CWH43: variants seen among roughly 807,000 people sequenced by gnomAD.
CWH43 encodes cell wall biogenesis 43 C-terminal homolog.
In CWH43, 91 loss-of-function variants were observed where a neutral mutation model predicts 85.7. The ratio of observed to expected loss-of-function variants is 1.06; its 90% CI spans 0.90 to 1.26. The LOEUF is 1.26. CWH43 is among the 50% of genes most tolerant of loss of function. CWH43 has a pLI of 0.00. For missense variants in CWH43, 869 were observed against 839.2 expected (o/e 1.04, Z -0.44); for synonymous variants, 323 against 293.6 (o/e 1.10, Z -1.02).
intron 8 of CWH43, among the ~76,000 whole-genome samples, chr4:49,010,962 G>C (rs1471505878): frequency 6.6e-6 from 1 of 152,144 alleles, no homozygotes; most frequent in Non-Finnish European, 1.5e-5. Flanking sequence ...GTTGATTTGG[G>C]GTGGAGAGTT....
intron 2 of CWH43, among the ~76,000 whole-genome samples, chr4:48,990,802 A>G (rs967942771): frequency 6.6e-6 from 1 of 152,212 alleles, no homozygotes; most frequent in Non-Finnish European, 1.5e-5. Flanking sequence ...AAATGGAAAC[A>G]TCTGTTCACA....
At chr4:49,026,167 C>T (rs1207514969) in intron 9 of CWH43, among the ~76,000 whole-genome samples, 1 of 152,210 alleles carries the variant, frequency 6.6e-6, no homozygotes, top group East Asian at 1.9e-4. Flanking sequence ...AGCTCTCATG[C>T]AACCCACAGC....
At chr4:49,015,213 T>C (rs922495833) in intron 8 of CWH43, among the ~76,000 whole-genome samples, 1 of 152,120 alleles carries the variant, frequency 6.6e-6, no homozygotes, top group Non-Finnish European at 1.5e-5. Flanking sequence ...CCACTTTTTC[T>C]AGGTATGTTT....
chr4:49,022,151 C>A (rs1459846080), intron 9 of CWH43, among the ~76,000 whole-genome samples: 1 of 152,130 alleles, frequency 6.6e-6, no homozygotes, highest in African/African-American at 2.4e-5. Context: ...ATGCCTTCAA[C>A]TTTTCCCTAT....
intron 13 of CWH43, among the ~76,000 whole-genome samples, chr4:49,039,306 G>GATATATGTATATATATATATATATAT (rs1784363753): frequency 4.4e-4 from 2 of 4,592 alleles, no homozygotes; most frequent in Non-Finnish European, 1.2e-3. Flanking sequence ...TCAGGAGACT[G>GATATATGTATATATATATATATATAT]ATATATATAT....
intron 9 of CWH43, among the ~76,000 whole-genome samples, chr4:49,020,629 T>G (rs1164089761): frequency 1.3e-5 from 2 of 152,210 alleles, no homozygotes; most frequent in East Asian, 3.9e-4. Context: ...TTAAGGAATC[T>G]CCACACTGTT....
chr4:49,033,241 A>T (rs921589746), intron 12 of CWH43, among the ~76,000 whole-genome samples: 2 of 152,256 alleles, frequency 1.3e-5, no homozygotes, highest in Non-Finnish European at 2.9e-5. Context: ...GTTAAATGAC[A>T]TCTCTTCTCT....
chr4:49,030,684 C>T, intron 10 of CWH43, 141 bp from the exon 11 acceptor site: 1 of 655,848 alleles, frequency 1.5e-6, no homozygotes, highest in East Asian at 3.3e-5. Context: ...CCACTTCTCT[C>T]TAGTGACTCA....
At chr4:49,023,975 T>C (rs1783826964) in intron 9 of CWH43, among the ~76,000 whole-genome samples, 1 of 152,222 alleles carries the variant, frequency 6.6e-6, no homozygotes, top group African/African-American at 2.4e-5. Flanking sequence ...TGCTGCTATC[T>C]ATCTCATTTC....
chr4:49,043,230 C>T (rs1784522423), intron 13 of CWH43, among the ~76,000 whole-genome samples: 1 of 152,164 alleles, frequency 6.6e-6, no homozygotes, highest in Non-Finnish European at 1.5e-5. Context: ...CTCAGACTTA[C>T]ATGACATATA....
chr4:49,020,416 CAT>C (rs1553915061), intron 9 of CWH43, among the ~76,000 whole-genome samples: 25 of 128,394 alleles, frequency 1.9e-4, no homozygotes, highest in African/African-American at 5.3e-4. Flanking sequence ...CACACACACA[CAT>C]ATATATATAT....
At position 48,992,088 on chromosome 4, in the gene CWH43, C is replaced by G; in HGVS notation, c.509C>G (p.Thr170Arg). 1 of 1,610,020 alleles carries G rather than the reference C, an allele frequency of 6.2e-7. No individual in the cohort carries two copies. The highest frequency in any genetic ancestry group is 1.1e-5 in the South Asian group (1 of 90,664). Residue 170 changes from threonine (T) to arginine (R), a missense_variant and splice_region_variant, in exon 4 of 16, where the codon ACA becomes AGA. Physicochemically the swap from Thr to Arg is moderately conservative, Grantham distance 71 (BLOSUM62 -1). Coordinates refer to ENST00000226432, the MANE Select transcript of CWH43 (RefSeq NM_025087.3). The surrounding 1 kb of genome is among the most constrained non-coding windows in gnomAD (Gnocchi z 4.3). Reference protein sequence around the residue: ...SAIATLDRIGTDGDCSKPEEK... With the variant: ...SAIATLDRIGRDGDCSKPEEK... Reference sequence around the variant, plus strand: ...ATAGCCACACTTGATCGTATTGGCACAGGTAATACTGTAACTTAGGAATTT... The same window carrying G: ...ATAGCCACACTTGATCGTATTGGCAGAGGTAATACTGTAACTTAGGAATTT...
chr4:49,039,063 A>AT (rs961997000), intron 13 of CWH43, among the ~76,000 whole-genome samples: 15 of 126,680 alleles, frequency 1.2e-4, no homozygotes, highest in Admixed American at 4.0e-4. Context: ...GTCTCAAAAA[A>AT]ATATATAAAT....
At chr4:49,001,805 T>C (rs1288851745) in intron 6 of CWH43, among the ~76,000 whole-genome samples, 4 of 152,174 alleles carry the variant, frequency 2.6e-5, no homozygotes, top group Admixed American at 1.3e-4. Context: ...AACAATATTA[T>C]TCTAACGTCT....
Position 49,007,345 on chromosome 4 carries a change from T to A in CWH43, c.1186+19T>A, listed in dbSNP as rs1169785618. The A allele has an allele frequency of 4.6e-6, 7 of 1,531,118 alleles. No individual in the cohort carries two copies. In the Admixed American group the frequency reaches 8.4e-5, roughly 18 times the overall value. The allele number at this position is 1,531,118 out of a possible 1,614,324, so 94.8% of individuals were successfully genotyped here. ...AAACTTTGTAAGTATAGTTTTACATTCTTAAAAAAAATTAATTATATAAAA... is the reference window on the plus strand; with the variant it reads ...AAACTTTGTAAGTATAGTTTTACATACTTAAAAAAAATTAATTATATAAAA... On this transcript the variant is annotated intron_variant, in intron 8 of 15. Coordinates refer to ENST00000226432, the MANE Select transcript of CWH43 (RefSeq NM_025087.3).
In CWH43 at chr4:49,016,683, C is replaced by G. The variant is rs535300111; in HGVS notation, c.1187-566C>G. The G allele has an allele frequency of 5.0e-5, 38 of 765,744 alleles. No individual in the cohort carries two copies. The South Asian group carries it at 5.1e-4, about 10-fold the overall frequency. 47.4% of individuals were successfully genotyped at this position (765,744 alleles called of 1,614,324 possible). A position where few individuals can be genotyped will look rare whatever the true frequency, so the allele number is the denominator to read the frequency against. On this transcript the variant is annotated intron_variant, in intron 8 of 15. Coordinates refer to ENST00000226432, the MANE Select transcript of CWH43 (RefSeq NM_025087.3). ...GGGCAGTTACTGGGCTTCTGGGCTG[C>G]TTAGTCCATTCACCTTATCTGTGAT...
rs1341661996 is a variant in CWH43 at position 48,992,794 on chromosome 4, TCA to T, written c.511+707_511+708del. On this transcript the variant is annotated intron_variant, in intron 4 of 15. Transcript: ENST00000226432. The surrounding 1 kb of genome is among the most constrained non-coding windows in gnomAD (Gnocchi z 4.3). ...TCTTCTGTAACTACAAGGTGAAATC[TCA>T]CAGACTAATGGAAGTTTAGAGGGTA... Among the ~76,000 whole-genome samples the T allele has an allele frequency of 6.6e-6, 1 of 152,198 alleles. No homozygotes were observed. The highest frequency in any genetic ancestry group is 1.5e-5 in the Non-Finnish European group (1 of 68,040).
intron 13 of CWH43, among the ~76,000 whole-genome samples, chr4:49,042,194 C>T (rs1171653074): frequency 6.6e-6 from 1 of 152,152 alleles, no homozygotes; most frequent in Non-Finnish European, 1.5e-5. Context: ...GTAGATGAGT[C>T]ACAGGTGGCA....
intron 9 of CWH43, among the ~76,000 whole-genome samples, chr4:49,020,793 A>G (rs1014079360): frequency 3.3e-5 from 5 of 152,074 alleles, no homozygotes; most frequent in Non-Finnish European, 5.9e-5. Flanking sequence ...TTGATCAGGC[A>G]TTTCCCTGAT....
Sources: allele counts gnomAD v4.1 joint callset (sites outside exome capture counted in the v4.1 genomes callset), GRCh38; gene constraint gnomAD v4.1.1; non-coding constraint Gnocchi (gnomAD v3.1); transcripts MANE v1.5; gene names NCBI Gene and HGNC (gene_info 2026-07-23, HGNC 2026-07-21).